Variants in MME observed in about 807,000 individuals in gnomAD.
MME encodes membrane metalloendopeptidase.
MME carries 98 observed loss-of-function variants against 113.2 expected under a neutral mutation model. The ratio of observed to expected loss-of-function variants is 0.87; its 90% confidence interval spans 0.74 to 1.02. The LOEUF (loss-of-function observed/expected upper bound fraction) is 1.02. Among genes scored for constraint, MME ranks in the 50% least tolerant of loss-of-function variants. The pLI is 0.00. For missense variants in MME, 836 were observed against 896.0 expected, an observed-to-expected ratio of 0.93 and a Z score of 0.86; for synonymous variants, 292 against 300.6, an observed-to-expected ratio of 0.97 and a Z score of 0.30.
chr3:155,138,142 G>A lies in MME; in HGVS notation c.761G>A (p.Arg254Lys). The change falls in exon 9 of 23, where the codon AGA becomes AAA. Residue 254 changes from arginine (R) to lysine (K), a missense_variant. Arg to Lys is a conservative substitution (Grantham distance 26). Transcript: ENST00000360490. ...AYVDFMISVA[R>K]LIRQEERLPI... ...GTGGATTTTATGATTTCTGTGGCCA[G>A]ATTGATTCGTCAGGAAGAAAGATTG... The A allele has an allele frequency of 1.9e-6, 3 of 1,613,730 alleles. No homozygotes were observed. Among genetic ancestry groups the A allele is most frequent in the Non-Finnish European group, 2.5e-6 (3 of 1,179,812 alleles).
intron 20 of MME, among the ~76,000 whole-genome samples, 189 bp from the exon 21 acceptor site, chr3:155,171,928 A>G (rs948442050): frequency 6.6e-6 from 1 of 152,126 alleles, no homozygotes; most frequent in Non-Finnish European, 1.5e-5. Flanking sequence ...CTTCTTTTCA[A>G]AGCATTTGTA....
At chr3:155,109,644 G>A (rs1006754905) in intron 3 of MME, among the ~76,000 whole-genome samples, 3 of 152,080 alleles carry the variant, frequency 2.0e-5, no homozygotes, top group African/African-American at 7.2e-5. Flanking sequence ...TAATGTGGTG[G>A]TTCCCCCTGA....
chr3:155,063,379 A>T (rs1389140363), intron 1 of MME, among the ~76,000 whole-genome samples: 1 of 105,856 alleles, frequency 9.4e-6, no homozygotes, highest in African/African-American at 4.3e-5. Context: ...ATTTATATAT[A>T]AATATATATT....
intron 3 of MME, among the ~76,000 whole-genome samples, chr3:155,107,307 C>T (rs931612906): frequency 1.4e-5 from 2 of 147,286 alleles, no homozygotes; most frequent in Non-Finnish European, 3.0e-5. Context: ...GAGCCGAGAT[C>T]GTGCCATTGC....
chr3:155,037,437 C>A (rs996154352), intron 1 of MME, among the ~76,000 whole-genome samples: 11 of 152,230 alleles, frequency 7.2e-5, no homozygotes, highest in Non-Finnish European at 1.3e-4. Context: ...ATGGTGGGGG[C>A]AAGATTCAAA....
chr3:155,055,096 A>G (rs528719701), intron 1 of MME, among the ~76,000 whole-genome samples: 1 of 152,308 alleles, frequency 6.6e-6, no homozygotes, highest in East Asian at 1.9e-4. Context: ...AGGGGTATTT[A>G]TGTGTTCACA....
chr3:155,091,442 G>C (rs1439922238), intron 3 of MME, among the ~76,000 whole-genome samples: 1 of 152,164 alleles, frequency 6.6e-6, no homozygotes, highest in African/African-American at 2.4e-5. Flanking sequence ...CAGTTAAAGG[G>C]AAAGACAATT....
chr3:155,176,760 A>C (rs1712568303), intron 22 of MME, among the ~76,000 whole-genome samples: 2 of 152,176 alleles, frequency 1.3e-5, no homozygotes. Context: ...CAGGAGGTCA[A>C]GGCTGCAGTG....
intron 1 of MME, among the ~76,000 whole-genome samples, chr3:155,061,450 C>CAA (rs768689390): frequency 0.042 from 2,186 of 52,378 alleles, 43 homozygotes; most frequent in South Asian, 0.1. Context: ...GGCTCCATCT[C>CAA]AAAAAAAAAA....
At chr3:155,132,103 A>G (rs1211887225) in intron 8 of MME, among the ~76,000 whole-genome samples, 1 of 152,208 alleles carries the variant, frequency 6.6e-6, no homozygotes, top group Non-Finnish European at 1.5e-5. Context: ...CTTTGGAAAT[A>G]AAATCCCTGA....
At chr3:155,075,760 A>AT (rs2108147967), upstream of MME, among the ~76,000 whole-genome samples, 1 of 152,136 alleles carries the variant, frequency 6.6e-6, no homozygotes, top group East Asian at 1.9e-4. Flanking sequence ...GGCTCAAGTG[A>AT]TTTTCCTGCC....
intron 1 of MME, 200 bp from the exon 2 acceptor site, chr3:155,083,957 AG>A (rs1477223076): frequency 1.8e-6 from 1 of 548,942 alleles, no homozygotes; most frequent in African/African-American, 1.9e-5. Flanking sequence ...AAAAAACAAA[AG>A]GTTGTGACTG....
Position 155,168,517 on chromosome 3 carries a change from C to T in MME, c.1806C>T (p.Asp602=), listed in dbSNP as rs758563622. 6.2e-6 allele frequency: 10 copies of T among 1,612,986 alleles called. No homozygotes were observed. The African/African-American group carries it at 1.2e-4, about 19-fold the overall frequency. The change falls in exon 19 of 23, where the codon GAC becomes GAT. Residue 602 remains aspartate (D), a synonymous_variant. Transcript: ENST00000360490. ...DNGRNFNKDG[D]LVDWWTQQSA... ...GCAGAAACTTTAACAAAGATGGAGA[C>T]CTCGTTGACTGGTGGACTCAACAGT...
intron 1 of MME, among the ~76,000 whole-genome samples, chr3:155,031,599 A>G (rs1712973548): frequency 6.6e-6 from 1 of 152,230 alleles, no homozygotes; most frequent in South Asian, 2.1e-4. Flanking sequence ...CCATTGAAAA[A>G]TAGCTCTCTA....
intron 3 of MME, among the ~76,000 whole-genome samples, chr3:155,114,698 T>C (rs1183268730): frequency 2.0e-5 from 3 of 152,180 alleles, no homozygotes; most frequent in African/African-American, 7.2e-5. Context: ...TTCTTTGTTC[T>C]TCTGAGATAG....
intron 8 of MME, among the ~76,000 whole-genome samples, chr3:155,132,047 A>C (rs1430839422): frequency 6.6e-6 from 1 of 152,142 alleles, no homozygotes; most frequent in East Asian, 1.9e-4. Context: ...GTTTCTTCCT[A>C]GAATGGGGAA....
chr3:155,144,350 T>C lies in MME; in HGVS notation c.1318-9T>C, dbSNP rs761571759. Reference sequence around the variant, plus strand: ...AATGACCTATATTTGTCTTCTGTTCTGATTTGAGGTCGAGGATTTGATTGC... The same window carrying C: ...AATGACCTATATTTGTCTTCTGTTCCGATTTGAGGTCGAGGATTTGATTGC... On this transcript the variant is annotated splice_polypyrimidine_tract_variant and intron_variant, in intron 13 of 22. Coordinates refer to ENST00000360490, the MANE Select transcript of MME (RefSeq NM_007289.4). 1.3e-6 allele frequency: 2 copies of C among 1,592,236 alleles called. No individual in the cohort carries two copies. The highest frequency in any genetic ancestry group is 2.2e-5 in the East Asian group (1 of 44,668).
At chr3:155,137,565 G>C (rs1368927931) in intron 8 of MME, among the ~76,000 whole-genome samples, 2 of 152,038 alleles carry the variant, frequency 1.3e-5, no homozygotes, top group African/African-American at 4.8e-5. Flanking sequence ...AATTAGCTGG[G>C]TGTGGTGGTG....
rs1713159307 is a variant in MME, at chr3:155,182,183, T to G, written c.*1724T>G. The G allele has an allele frequency of 6.6e-6, 1 of 152,238 alleles. No individual in the cohort carries two copies. The highest frequency in any genetic ancestry group is 2.4e-5 in the African/African-American group (1 of 41,464). 9.4% of individuals were successfully genotyped at this position (152,238 alleles called of 1,614,324 possible). ...TAGAATCAATCAGTATGTATTCTTT[T>G]GTGCCTGGCTTCTTTCTCTCAGCCT... On this transcript the variant is annotated 3_prime_UTR_variant, in exon 23 of 23. Transcript: ENST00000360490.
Sources: allele counts gnomAD v4.1 joint callset (sites outside exome capture counted in the v4.1 genomes callset), GRCh38; gene constraint gnomAD v4.1.1; transcripts MANE v1.5; gene names NCBI Gene and HGNC (gene_info 2026-07-23, HGNC 2026-07-21).